UBXN8: variants seen among roughly 807,000 people sequenced by gnomAD.
The protein encoded by UBXN8 is UBX domain-containing protein 8.
In UBXN8, 27 loss-of-function variants were observed where a neutral mutation model predicts 32.1. The observed-to-expected ratio is 0.84, with a 90% CI of 0.62 to 1.16. The LOEUF (loss-of-function observed/expected upper bound fraction) is 1.16. Ranked by LOEUF, UBXN8 falls within the 50% of genes most tolerant of loss-of-function variation. The pLI, the probability that UBXN8 is intolerant of heterozygous loss-of-function variation, is 0.00. For synonymous variants in UBXN8, 109 were observed against 111.8 expected (o/e 0.98, Z 0.16); for missense variants, 306 against 311.4 (o/e 0.98, Z 0.13).
chr8:30,751,894 C>CTT (rs1335998614), intron 2 of UBXN8, among the ~76,000 whole-genome samples: 57 of 137,264 alleles, frequency 4.2e-4, no homozygotes, highest in Admixed American at 6.7e-4. Flanking sequence ...TACCATTAAA[C>CTT]TTTTTTTTTT....
At chr8:30,751,190 A>G (rs1398333373) in intron 1 of UBXN8, among the ~76,000 whole-genome samples, 2 of 152,138 alleles carry the variant, frequency 1.3e-5, no homozygotes, top group Non-Finnish European at 2.9e-5. Context: ...ATAATCTTCT[A>G]ATGTGTTATA....
At chr8:30,746,046 CA>C (rs1805349684) in intron 1 of UBXN8, among the ~76,000 whole-genome samples, 1 of 152,182 alleles carries the variant, frequency 6.6e-6, no homozygotes, top group African/African-American at 2.4e-5. Flanking sequence ...CCACCGTGCC[CA>C]GCCAGAAATA....
At chr8:30,744,753 G>A (rs1379248495) in intron 1 of UBXN8, among the ~76,000 whole-genome samples, 1 of 152,176 alleles carries the variant, frequency 6.6e-6, no homozygotes, top group Non-Finnish European at 1.5e-5. Flanking sequence ...TTAAATAAGG[G>A]GCCACGCCCG....
In UBXN8 at chr8:30,763,398, T is replaced by C. The variant is rs1358799819; in HGVS notation, c.645+51T>C. 5.8e-6 allele frequency: 9 copies of C among 1,544,518 alleles called. No individual in the cohort carries two copies. The Admixed American group carries it at 1.5e-4, about 26-fold the overall frequency. On this transcript the variant is annotated intron_variant, in intron 7 of 7. Coordinates refer to ENST00000265616, the MANE Select transcript of UBXN8 (RefSeq NM_005671.4). ...GAAATATCTTTGTTGAATATGGCAG[T>C]AGTTTATTCACATGCCGTGGGGGAA...
At chr8:30,743,036 G>C (rs28483106), upstream of UBXN8, among the ~76,000 whole-genome samples, 490 of 152,148 alleles carry the variant, frequency 3.2e-3, 1 homozygote, top group African/African-American at 0.012. Context: ...GAACTAAACT[G>C]AATAGTCAGG....
intron 4 of UBXN8, among the ~76,000 whole-genome samples, chr8:30,755,491 G>A (rs117439610): frequency 0.018 from 2,795 of 152,140 alleles, 38 homozygotes; most frequent in Non-Finnish European, 0.028. Context: ...GGTGGCTAAC[G>A]CCTGTAATCC....
Position 30,760,927 on chromosome 8 carries a change from G to GT in UBXN8, c.568_569insT (p.Glu190ValfsTer30), listed in dbSNP as rs1426288650. The stretch of plus-strand genomic sequence containing the variant: ...TGAAGAACCTTCTCAAACAGCAGAA[G>GT]AAGTAAGTCTATTTTTCTCTTCGAA... On this transcript the variant is annotated frameshift_variant and splice_region_variant, in exon 6 of 8. Coordinates refer to ENST00000265616, the MANE Select transcript of UBXN8 (RefSeq NM_005671.4). LOFTEE classifies it high-confidence loss of function. The GT allele has an allele frequency of 2.0e-6, 3 of 1,529,254 alleles. No homozygotes were observed. The highest frequency in any genetic ancestry group is 1.8e-6 in the Non-Finnish European group (2 of 1,134,578). The allele number at this position is 1,529,254 out of a possible 1,614,324, so 94.7% of individuals were successfully genotyped here.
intron 5 of UBXN8, among the ~76,000 whole-genome samples, chr8:30,759,567 T>C (rs1186846917): frequency 1.3e-5 from 2 of 151,034 alleles, no homozygotes; most frequent in Non-Finnish European, 2.9e-5. Flanking sequence ...TTAATGGAAA[T>C]AGGGAAACAT....
At chr8:30,752,042 A>G (rs1471951911) in intron 2 of UBXN8, among the ~76,000 whole-genome samples, 1 of 151,608 alleles carries the variant, frequency 6.6e-6, no homozygotes, top group Non-Finnish European at 1.5e-5. Context: ...ACAGGCATGC[A>G]CCACCATGCC....
chr8:30,745,688 C>T (rs1805342227), intron 1 of UBXN8, among the ~76,000 whole-genome samples: 1 of 152,212 alleles, frequency 6.6e-6, no homozygotes. Context: ...ATGTTGAATT[C>T]ACACTCACCA....
Position 30,766,495 on chromosome 8 carries a change from C to G in UBXN8, c.*101C>G. The G allele has an allele frequency of 8.1e-7, 1 of 1,238,546 alleles. No homozygotes were observed. Among genetic ancestry groups the G allele is most frequent in the Non-Finnish European group, 1.1e-6 (1 of 931,038 alleles). 76.7% of individuals were successfully genotyped at this position (1,238,546 alleles called of 1,614,324 possible). The stretch of plus-strand genomic sequence containing the variant: ...CAAATCACACTATACCTTGATTGAG[C>G]TCATGGCAGTAAACTTTGAACATTG... On this transcript the variant is annotated 3_prime_UTR_variant, in exon 8 of 8. Coordinates refer to ENST00000265616, the MANE Select transcript of UBXN8 (RefSeq NM_005671.4).
chr8:30,754,933 A>T, intron 4 of UBXN8, 146 bp downstream of exon 4: 7 of 813,240 alleles, frequency 8.6e-6, no homozygotes, highest in South Asian at 2.4e-5. Context: ...ATACTTGTTT[A>T]TTACATGGTT....
intron 5 of UBXN8, among the ~76,000 whole-genome samples, chr8:30,759,051 G>A (rs1163796227): frequency 6.6e-6 from 1 of 151,162 alleles, no homozygotes; most frequent in Non-Finnish European, 1.5e-5. Context: ...CCGCCACCAC[G>A]CCCGGCTAAT....
chr8:30,742,919 A>G (rs1202265942), upstream of UBXN8, among the ~76,000 whole-genome samples: 1 of 151,848 alleles, frequency 6.6e-6, no homozygotes, highest in Admixed American at 6.6e-5. Flanking sequence ...ATAGAACCAC[A>G]AAGTCGGATA....
intron 6 of UBXN8, among the ~76,000 whole-genome samples, chr8:30,761,519 A>G (rs1015482749): frequency 1.3e-5 from 2 of 152,182 alleles, no homozygotes; most frequent in Non-Finnish European, 2.9e-5. Flanking sequence ...CGCTGGGATT[A>G]CACCCACCCA....
Position 30,756,753 on chromosome 8 carries a change from G to T in UBXN8, c.406-12G>T, listed in dbSNP as rs1463922523. The T allele has an allele frequency of 6.2e-7, 1 of 1,613,904 alleles. No homozygotes were observed. Among genetic ancestry groups the T allele is most frequent in the Non-Finnish European group, 8.5e-7 (1 of 1,179,852 alleles). ...AACATCTCTTTAGAAATTGTCTGTTGTGTTTGACCAGGGTGATGAAGGTAC... is the reference window on the plus strand; with the variant it reads ...AACATCTCTTTAGAAATTGTCTGTTTTGTTTGACCAGGGTGATGAAGGTAC... On this transcript the variant is annotated splice_polypyrimidine_tract_variant and intron_variant, in intron 4 of 7. Coordinates refer to ENST00000265616, the MANE Select transcript of UBXN8 (RefSeq NM_005671.4).
intron 3 of UBXN8, among the ~76,000 whole-genome samples, chr8:30,753,770 A>G (rs1007017902): frequency 1.1e-5 from 1 of 89,176 alleles, no homozygotes; most frequent in East Asian, 3.4e-4. Context: ...TAGATATACC[A>G]CTTTTTTTTT....
rs1806011381 is a variant in UBXN8, at chr8:30,766,466, C to T, written c.*72C>T. The stretch of plus-strand genomic sequence containing the variant: ...ACCTTCTGGCACAATAAAGGCTTCA[C>T]TTTCAAATCACACTATACCTTGATT... On this transcript the variant is annotated 3_prime_UTR_variant, in exon 8 of 8. Coordinates refer to ENST00000265616, the MANE Select transcript of UBXN8 (RefSeq NM_005671.4). The T allele has an allele frequency of 7.0e-7, 1 of 1,423,022 alleles. No individual in the cohort carries two copies. The highest frequency in any genetic ancestry group is 9.3e-7 in the Non-Finnish European group (1 of 1,075,612). 88.1% of individuals were successfully genotyped at this position (1,423,022 alleles called of 1,614,324 possible). A position where few individuals can be genotyped will look rare whatever the true frequency, so the allele number is the denominator to read the frequency against.
At chr8:30,729,651 A>G (rs903140200), upstream of UBXN8, among the ~76,000 whole-genome samples, 1 of 152,022 alleles carries the variant, frequency 6.6e-6, no homozygotes, top group African/African-American at 2.4e-5. Context: ...AAATAAGCCT[A>G]CTCCTCTAGG....
Sources: allele counts gnomAD v4.1 joint callset (sites outside exome capture counted in the v4.1 genomes callset), GRCh38; gene constraint gnomAD v4.1.1; transcripts MANE v1.5; gene names NCBI Gene and HGNC (gene_info 2026-07-23, HGNC 2026-07-21).